NCOA2: variants seen among roughly 807,000 people sequenced by gnomAD.
The protein encoded by NCOA2 is nuclear receptor coactivator 2.
A neutral mutation model predicts 145.1 loss-of-function variants in NCOA2; 21 were observed. That is an observed-to-expected ratio of 0.14 (90% CI 0.10 to 0.21). NCOA2 has a LOEUF of 0.21. Ranked by LOEUF, NCOA2 falls within the 10% of genes least tolerant of loss-of-function variation. NCOA2 has a pLI of 1.00. For synonymous variants in NCOA2, 619 were observed against 637.5 expected (o/e 0.97, Z 0.44); for missense variants, 1,472 against 1,837.6 (o/e 0.80, Z 3.64).
intron 4 of NCOA2, among the ~76,000 whole-genome samples, chr8:70,185,960 T>G (rs1483652671): frequency 2.0e-5 from 3 of 152,114 alleles, no homozygotes; most frequent in African/African-American, 7.2e-5. Flanking sequence ...ATGTTTATTT[T>G]CTACCTGGTT....
chr8:70,146,514 A>T (rs185152340), intron 12 of NCOA2, among the ~76,000 whole-genome samples: 8 of 152,356 alleles, frequency 5.3e-5, no homozygotes, highest in South Asian at 2.1e-4. Flanking sequence ...AAAATATTTT[A>T]AAAAATTAGG....
Position 70,204,619 on chromosome 8 carries a change from G to A in NCOA2, c.259+9284C>T, listed in dbSNP as rs900714664. Among the ~76,000 whole-genome samples the A allele has an allele frequency of 2.6e-5, 4 of 152,106 alleles. No individual in the cohort carries two copies. In the East Asian group the frequency reaches 5.8e-4, roughly 22 times the overall value. ...CTCCTGATATAAAACCATTACACAA[G>A]GCTGAATAAAGGCCAGGAATCAGAA... is the stretch of plus-strand genomic sequence containing the variant. On this transcript the variant is annotated intron_variant, in intron 4 of 22. Transcript: ENST00000452400.
At chr8:70,383,059 T>TG (rs1379139815) in intron 1 of NCOA2, among the ~76,000 whole-genome samples, 5 of 152,328 alleles carry the variant, frequency 3.3e-5, no homozygotes, top group Admixed American at 6.5e-5. Flanking sequence ...TCATACCCAC[T>TG]GCAGAGGCAT....
rs917153085 is a variant in NCOA2 at position 70,260,209 on chromosome 8, G to A, written c.-20+36535C>T. On this transcript the variant is annotated intron_variant, in intron 2 of 22. Coordinates refer to ENST00000452400, the MANE Select transcript of NCOA2 (RefSeq NM_006540.4). The stretch of plus-strand genomic sequence containing the variant: ...CTTTGTTTTTTTGAGACAGGGTCTC[G>A]GTCTGTCGCCCAGGCTGGAGAACAG... Among the ~76,000 whole-genome samples the A allele has an allele frequency of 2.0e-5, 3 of 152,044 alleles. No homozygotes were observed. In the East Asian group the frequency reaches 5.8e-4, roughly 29 times the overall value.
At chr8:70,433,603 C>A in the NCOA2 span, among the ~76,000 whole-genome samples, 1,136 of 152,192 alleles carry the variant, frequency 7.5e-3, 13 homozygotes, top group Middle Eastern at 0.014. Flanking sequence ...TATGCAATGC[C>A]GCTACTGAAG....
chr8:70,309,831 G>A (rs1828170014), intron 1 of NCOA2, among the ~76,000 whole-genome samples: 1 of 152,054 alleles, frequency 6.6e-6, no homozygotes, highest in Non-Finnish European at 1.5e-5. Flanking sequence ...GTGCACATCT[G>A]TGGTACCAGC....
intron 7 of NCOA2, among the ~76,000 whole-genome samples, chr8:70,164,232 C>T (rs1210977455): frequency 6.6e-6 from 1 of 152,172 alleles, no homozygotes; most frequent in Non-Finnish European, 1.5e-5. Flanking sequence ...ACTTAATCCT[C>T]ACCTTGCTTC....
At chr8:70,388,231 G>A (rs1360135828) in intron 1 of NCOA2, among the ~76,000 whole-genome samples, 3 of 152,208 alleles carry the variant, frequency 2.0e-5, no homozygotes, top group Admixed American at 6.5e-5. Context: ...CACATTCTGT[G>A]CACTAAAGAT....
At chr8:70,411,844 A>G in the NCOA2 span, among the ~76,000 whole-genome samples, 7 of 152,210 alleles carry the variant, frequency 4.6e-5, no homozygotes, top group East Asian at 1.3e-3. Context: ...CGGCCTAGGA[A>G]GGCACATGAG....
intron 2 of NCOA2, among the ~76,000 whole-genome samples, chr8:70,270,980 G>C (rs919335974): frequency 6.6e-6 from 1 of 152,166 alleles, no homozygotes; most frequent in Admixed American, 6.5e-5. Context: ...AATTTTCAAA[G>C]CACATTAAAT....
chr8:70,272,193 T>G (rs1405074464), intron 2 of NCOA2, among the ~76,000 whole-genome samples: 2 of 152,134 alleles, frequency 1.3e-5, no homozygotes, highest in Non-Finnish European at 2.9e-5. Flanking sequence ...GTTTTTCACT[T>G]TTTCTTCTTC....
chr8:70,322,665 C>T (rs945860673), intron 1 of NCOA2, among the ~76,000 whole-genome samples: 5 of 152,118 alleles, frequency 3.3e-5, no homozygotes, highest in African/African-American at 1.2e-4. Context: ...GTTAACCTCC[C>T]TCGGCCTTAG....
At chr8:70,124,912 A>G in intron 19 of NCOA2, 47 bp from the exon 20 acceptor site, 2 of 1,509,702 alleles carry the variant, frequency 1.3e-6, no homozygotes, top group Non-Finnish European at 1.8e-6. Flanking sequence ...ACTGTTAGTT[A>G]TATTGTAGAG....
chr8:70,414,040 T>C, the NCOA2 span, among the ~76,000 whole-genome samples: 1 of 152,228 alleles, frequency 6.6e-6, no homozygotes, highest in Non-Finnish European at 1.5e-5. Context: ...GTATATATGA[T>C]ATTTAGTTTA....
chr8:70,181,622 C>T (rs556928074), intron 4 of NCOA2, among the ~76,000 whole-genome samples: 2 of 152,170 alleles, frequency 1.3e-5, no homozygotes, highest in African/African-American at 4.8e-5. Flanking sequence ...GATAGAATCT[C>T]TGACTAAAAT....
At chr8:70,396,166 C>T (rs1173842366) in intron 1 of NCOA2, among the ~76,000 whole-genome samples, 1 of 152,200 alleles carries the variant, frequency 6.6e-6, no homozygotes, top group Non-Finnish European at 1.5e-5. Context: ...AATCTGCGCA[C>T]AACAGTTAAA....
intron 1 of NCOA2, among the ~76,000 whole-genome samples, chr8:70,324,779 C>T (rs1049590930): frequency 1.3e-5 from 2 of 152,176 alleles, no homozygotes; most frequent in African/African-American, 4.8e-5. Flanking sequence ...TGTTTCCAAA[C>T]GTGGCCTCAT....
In NCOA2 at chr8:70,350,624, A is replaced by G. The variant is rs953329836; in HGVS notation, c.-77+53076T>C. 5.9e-5 allele frequency among the ~76,000 whole-genome samples: 9 copies of G among 152,338 alleles called. No individual in the cohort carries two copies. The South Asian group carries it at 1.5e-3, about 25-fold the overall frequency. On this transcript the variant is annotated intron_variant, in intron 1 of 22. Transcript: ENST00000452400. ...CAAAAGATTTTATTCCTTTCAGATT[A>G]GAACCTTGAAAGATTTTGTAAAGTT...
At chr8:70,438,258 T>C in the NCOA2 span, among the ~76,000 whole-genome samples, 1 of 152,242 alleles carries the variant, frequency 6.6e-6, no homozygotes, top group African/African-American at 2.4e-5. Flanking sequence ...TTTTCAGAGT[T>C]TCACAACTTT....
Sources: allele counts gnomAD v4.1 joint callset (sites outside exome capture counted in the v4.1 genomes callset), GRCh38; gene constraint gnomAD v4.1.1; transcripts MANE v1.5; gene names NCBI Gene and HGNC (gene_info 2026-07-23, HGNC 2026-07-21).